A2M: variants seen among roughly 807,000 people sequenced by gnomAD.
A2M encodes alpha-2-macroglobulin.
In A2M, 128 loss-of-function variants were observed where a neutral mutation model predicts 183.9. The ratio of observed to expected loss-of-function variants is 0.70; its 90% CI spans 0.60 to 0.81. A2M has a LOEUF of 0.81. Ranked by LOEUF, A2M falls within the 30% of genes least tolerant of loss-of-function variation. The probability of loss-of-function intolerance (pLI) is 0.00; values close to 1 mark genes in which losing one functional copy is unlikely to be tolerated. For synonymous variants in A2M, 592 were observed against 670.8 expected, an observed-to-expected ratio of 0.88 and a Z score of 1.81; for missense variants, 1,495 against 1,787.6, an observed-to-expected ratio of 0.84 and a Z score of 2.95.
In A2M at chr12:9,068,744, C is replaced by T. The variant is rs745544071; in HGVS notation, c.4362G>A (p.Glu1454=). The change falls in exon 34 of 36, where the codon GAG becomes GAA. Residue 1454 remains glutamate (E), a synonymous_variant. Transcript: ENST00000318602. ...PAIVKVYDYY[E]TDEFAIAEYN... ...GTGAAAATCACTCTCACTCACCCGT[C>T]TCGTAGTAATCATAGACTTTCACTA... 3 of 1,598,170 alleles carry T rather than the reference C, an allele frequency of 1.9e-6. No individual in the cohort carries two copies. The Admixed American group carries it at 5.2e-5, about 27-fold the overall frequency.
chr12:9,109,412 A>T lies in A2M; in HGVS notation c.674-7T>A. 1 of 1,607,806 alleles carries T rather than the reference A, an allele frequency of 6.2e-7. No individual in the cohort carries two copies. Among genetic ancestry groups the T allele is most frequent in the Non-Finnish European group, 8.5e-7 (1 of 1,175,050 alleles). ...ACTTCAAACTTGGGAAGAACTGTTG[A>T]TTGGTGATAAAGAAGGTTGGTGATT... On this transcript the variant is annotated splice_region_variant and splice_polypyrimidine_tract_variant and intron_variant, in intron 6 of 35. Coordinates refer to ENST00000318602, the MANE Select transcript of A2M (RefSeq NM_000014.6).
chr12:9,106,411 C>T lies in A2M; in HGVS notation c.995-66G>A. 2.1e-6 allele frequency: 3 copies of T among 1,435,040 alleles called. No homozygotes were observed. In the South Asian group the frequency reaches 3.6e-5, roughly 17 times the overall value. 88.9% of individuals were successfully genotyped at this position (1,435,040 alleles called of 1,614,324 possible). On this transcript the variant is annotated intron_variant, in intron 9 of 35. Transcript: ENST00000318602. Reference sequence around the variant, plus strand: ...GATGTCTCTAAAATTCTATCACCTCCCCCCAACTTACAATTCATTATTTGG... The same window carrying T: ...GATGTCTCTAAAATTCTATCACCTCTCCCCAACTTACAATTCATTATTTGG...
chr12:9,106,629 C>G, intron 8 of A2M, 24 bp from the exon 9 acceptor site: 1 of 1,292,326 alleles, frequency 7.7e-7, no homozygotes. Context: ...AAATAAAATA[C>G]AAAAATATAA....
chr12:9,088,116 G>T (rs768311626), intron 22 of A2M, among the ~76,000 whole-genome samples: 1 of 152,166 alleles, frequency 6.6e-6, no homozygotes, highest in African/African-American at 2.4e-5. Context: ...TTTATAGAAT[G>T]AAACTTATAC....
intron 35 of A2M, 25 bp downstream of exon 35, chr12:9,068,157 CT>C: frequency 6.2e-7 from 1 of 1,612,586 alleles, no homozygotes; most frequent in South Asian, 1.1e-5. Context: ...CTCTGACTGC[CT>C]TTTGGAGGAG....
In A2M at chr12:9,074,623, T is replaced by G; in HGVS notation, c.3693A>C (p.Ala1231=). The G allele has an allele frequency of 6.2e-7, 1 of 1,613,924 alleles. No homozygotes were observed. Among genetic ancestry groups the G allele is most frequent in the Non-Finnish European group, 8.5e-7 (1 of 1,179,962 alleles). Residue 1231 remains alanine (A), a synonymous_variant, in exon 29 of 36, where the codon GCA becomes GCC. Coordinates refer to ENST00000318602, the MANE Select transcript of A2M (RefSeq NM_000014.6). The part of the protein sequence containing the change: ...PAPTSEDLTS[A]TNIVKWITKQ... ...TCGTGATCCACTTCACGATGTTGGT[T>G]GCAGAGGTCAGGTCCTCCGAGGTTG... is the stretch of plus-strand genomic sequence containing the variant.
intron 22 of A2M, among the ~76,000 whole-genome samples, chr12:9,086,345 C>T (rs1264777963): frequency 6.6e-6 from 1 of 152,142 alleles, no homozygotes; most frequent in African/African-American, 2.4e-5. Flanking sequence ...CTGGGGAACA[C>T]AGCAAAAGCT....
intron 32 of A2M, among the ~76,000 whole-genome samples, chr12:9,070,017 G>C (rs1217722830): frequency 6.6e-6 from 1 of 152,212 alleles, no homozygotes; most frequent in Admixed American, 6.5e-5. Context: ...AATGTGTAAA[G>C]TTATTTATCT....
chr12:9,095,829 G>A (rs1949362547), intron 15 of A2M, 129 bp from the exon 16 acceptor site: 2 of 694,946 alleles, frequency 2.9e-6, no homozygotes, highest in Non-Finnish European at 4.3e-6. Context: ...GCGCAATCTC[G>A]GCTCACTGCA....
Position 9,086,049 on chromosome 12 carries a change from T to A in A2M, c.2770+3151A>T, listed in dbSNP as rs192824318. Among the ~76,000 whole-genome samples the A allele has an allele frequency of 6.6e-5, 10 of 152,312 alleles. 1 individual carries two copies. Among genetic ancestry groups the A allele is most frequent in the African/African-American group, 2.4e-4 (10 of 41,572 alleles). ...GCCTAATAACTGTTGGCTTCACTGCTAGGTTCTACTTATCATTTAAAAAGA... is the reference window on the plus strand; with the variant it reads ...GCCTAATAACTGTTGGCTTCACTGCAAGGTTCTACTTATCATTTAAAAAGA... On this transcript the variant is annotated intron_variant, in intron 22 of 35. Coordinates refer to ENST00000318602, the MANE Select transcript of A2M (RefSeq NM_000014.6).
chr12:9,070,821 C>G (rs1289809215), intron 31 of A2M, among the ~76,000 whole-genome samples: 1 of 129,846 alleles, frequency 7.7e-6, no homozygotes, highest in Non-Finnish European at 1.6e-5. Flanking sequence ...GGCTGAGGAT[C>G]TGCATTTTTT....
At chr12:9,077,497 T>A in intron 26 of A2M, 77 bp from the exon 27 acceptor site, 1 of 1,488,210 alleles carries the variant, frequency 6.7e-7, no homozygotes, top group Non-Finnish European at 9.2e-7. Context: ...TTCTGCTGTG[T>A]CATGGAATTC....
At chr12:9,113,322 A>G in intron 2 of A2M, 38 bp downstream of exon 2, 1 of 1,605,264 alleles carries the variant, frequency 6.2e-7, no homozygotes, top group Non-Finnish European at 8.5e-7. Context: ...ACCCTGACTA[A>G]AAGAACCAAG....
At chr12:9,077,262 A>T in intron 27 of A2M, 84 bp downstream of exon 27, 1 of 1,269,516 alleles carries the variant, frequency 7.9e-7, no homozygotes, top group Non-Finnish European at 1.1e-6. Flanking sequence ...CTTTGCTTTT[A>T]ATAGGATAGT....
At chr12:9,096,995 T>G (rs1335998824) in intron 15 of A2M, among the ~76,000 whole-genome samples, 1 of 152,184 alleles carries the variant, frequency 6.6e-6, no homozygotes. Context: ...AATCAAAGCT[T>G]GAGAAGAGTT....
chr12:9,081,726 G>T (rs901261359), intron 22 of A2M, among the ~76,000 whole-genome samples: 1 of 152,168 alleles, frequency 6.6e-6, no homozygotes, highest in Non-Finnish European at 1.5e-5. Flanking sequence ...AGAGAACCAG[G>T]GGTAGACATC....
At position 9,069,933 on chromosome 12, in the gene A2M, G is replaced by GT. The variant is rs1948516199; in HGVS notation, c.4195-121dup. On this transcript the variant is annotated intron_variant, in intron 32 of 35. Transcript: ENST00000318602. ...GGGTAGAATTCTTCAAATGCTTTTTGTAAGGAAATATATAATGTAATACAA... is the reference window on the plus strand; with the variant it reads ...GGGTAGAATTCTTCAAATGCTTTTTGTTAAGGAAATATATAATGTAATACAA... The GT allele has an allele frequency of 5.4e-5, 44 of 820,240 alleles. 1 individual carries two copies. In the East Asian group the frequency reaches 1.1e-3, roughly 20 times the overall value. 50.8% of individuals were successfully genotyped at this position (820,240 alleles called of 1,614,324 possible). A position where few individuals can be genotyped will look rare whatever the true frequency, so the allele number is the denominator to read the frequency against.
Position 9,077,803 on chromosome 12 carries a change from G to C in A2M, c.3174C>G (p.Ile1058Met). Reference protein sequence around the residue: ...TFAQARAYIFIDEAHITQALI... With the variant: ...TFAQARAYIFMDEAHITQALI... Reference sequence around the variant, plus strand: ...GGGCTTGGGTAATGTGTGCTTCATCGATGAAGATGTAGGCTCGAGCTTGGG... The same window carrying C: ...GGGCTTGGGTAATGTGTGCTTCATCCATGAAGATGTAGGCTCGAGCTTGGG... Residue 1058 changes from isoleucine (I) to methionine (M), a missense_variant, in exon 26 of 36, where the codon ATC (isoleucine) becomes ATG (methionine). Physicochemically the swap from Ile to Met is conservative, Grantham distance 10 (BLOSUM62 1). Transcript: ENST00000318602. 6.2e-7 allele frequency: 1 copy of C among 1,614,152 alleles called. No homozygotes were observed. Among genetic ancestry groups the C allele is most frequent in the African/African-American group, 1.3e-5 (1 of 75,034 alleles).
rs189908521 is a variant in A2M, at chr12:9,085,140, A to G, written c.2770+4060T>C. 1.3e-4 allele frequency among the ~76,000 whole-genome samples: 20 copies of G among 152,260 alleles called. No homozygotes were observed. The East Asian group carries it at 3.7e-3, about 28-fold the overall frequency. On this transcript the variant is annotated intron_variant, in intron 22 of 35. Transcript: ENST00000318602. Reference sequence around the variant, plus strand: ...AGATTATCCAGAAAGAAAATTAATAAGAAAACGTTGAACTTGACCAACACT... The same window carrying G: ...AGATTATCCAGAAAGAAAATTAATAGGAAAACGTTGAACTTGACCAACACT...
Sources: gnomAD v4.1 joint callset for allele counts (sites outside exome capture counted in the v4.1 genomes callset) on GRCh38, gnomAD v4.1.1 for gene constraint, MANE v1.5 for transcripts, NCBI Gene and HGNC (gene_info 2026-07-23, HGNC 2026-07-21) for gene names.